Variants in PHC3 observed in about 807,000 individuals in gnomAD.
The protein encoded by PHC3 is polyhomeotic homolog 3.
PHC3 carries 13 observed loss-of-function variants against 107.4 expected under a neutral mutation model. That is an observed-to-expected ratio of 0.12 (90% CI 0.08 to 0.19). The LOEUF (loss-of-function observed/expected upper bound fraction) is 0.19. PHC3 is among the 10% of genes least tolerant of loss of function. PHC3 has a pLI of 1.00. For synonymous variants in PHC3, 456 were observed against 427.4 expected (o/e 1.07, Z -0.83); for missense variants, 992 against 1,210.9 (o/e 0.82, Z 2.68).
At chr3:170,104,493 A>T (rs182943091) in intron 12 of PHC3, among the ~76,000 whole-genome samples, 9 of 152,290 alleles carry the variant, frequency 5.9e-5, no homozygotes, top group Admixed American at 5.2e-4. Flanking sequence ...GGTGGGTCTC[A>T]AATTCCTGGG....
chr3:170,122,710 A>G lies in PHC3; in HGVS notation c.1823T>C (p.Met608Thr), dbSNP rs1450766515. Reference protein sequence around the residue: ...YQVEDVCEEEMPEESDECVRM... With the variant: ...YQVEDVCEEETPEESDECVRM... ...GACACATTCATCTGACTCTTCTGGCATTTCTTCTTCACACACATCTTCTAC... is the reference window on the plus strand; with the variant it reads ...GACACATTCATCTGACTCTTCTGGCGTTTCTTCTTCACACACATCTTCTAC... The change falls in exon 9 of 15, where the codon ATG (methionine) becomes ACG (threonine). Residue 608 changes from methionine (M) to threonine (T), a missense_variant. Physicochemically the swap from Met to Thr is moderately conservative, Grantham distance 81. Around this residue, in one of 6 missense-constraint regions of PHC3, gnomAD observed 543 missense variants for 590.8 expected, o/e 0.92. Coordinates refer to ENST00000495893, the MANE Select transcript of PHC3 (RefSeq NM_024947.4). 3 of 1,613,854 alleles carry G rather than the reference A, an allele frequency of 1.9e-6. No individual in the cohort carries two copies. The highest frequency in any genetic ancestry group is 1.7e-6 in the Non-Finnish European group (2 of 1,179,878).
intron 4 of PHC3, among the ~76,000 whole-genome samples, chr3:170,159,102 T>A (rs1445008835): frequency 6.6e-6 from 1 of 151,276 alleles, no homozygotes. Flanking sequence ...ATACAAAAAA[T>A]TAGCAGGGCG....
rs1306196003 is a variant in PHC3, at chr3:170,093,262, C to A, written c.*3968G>T. The A allele has an allele frequency of 6.6e-6, 1 of 152,152 alleles. No homozygotes were observed. Among genetic ancestry groups the A allele is most frequent in the Non-Finnish European group, 1.5e-5 (1 of 68,048 alleles). The allele number at this position is 152,152 out of a possible 1,614,324, so 9.4% of individuals were successfully genotyped here. The stretch of plus-strand genomic sequence containing the variant: ...GAAATCCTCTCTAAGGATTCTGAGA[C>A]AAAGATCTCTCCAAGAAAGAAGTTT... On this transcript the variant is annotated 3_prime_UTR_variant, in exon 15 of 15. Coordinates refer to ENST00000495893, the MANE Select transcript of PHC3 (RefSeq NM_024947.4).
intron 12 of PHC3, among the ~76,000 whole-genome samples, chr3:170,103,360 A>G (rs1309201151): frequency 6.6e-6 from 1 of 152,242 alleles, no homozygotes. Context: ...TTAATTTTTA[A>G]AAGTTTAATA....
chr3:170,158,754 T>C (rs960521320), intron 4 of PHC3, among the ~76,000 whole-genome samples: 4 of 148,080 alleles, frequency 2.7e-5, no homozygotes, highest in Non-Finnish European at 5.9e-5. Context: ...TGGCAAGACT[T>C]TGACACTACA....
At chr3:170,123,356 T>TACACACACACACACACAC (rs3980601) in intron 8 of PHC3, among the ~76,000 whole-genome samples, 18,173 of 149,754 alleles carry the variant, frequency 0.12, 1,280 homozygotes, top group African/African-American at 0.18. Context: ...TTGAAATGCA[T>TACACACACACACACACAC]ACACACACAC....
chr3:170,111,297 GGAAGGAAGGAAGGAAGGAAGGAAC>G (rs1369360823), intron 11 of PHC3, among the ~76,000 whole-genome samples: 13 of 139,132 alleles, frequency 9.3e-5, no homozygotes, highest in Middle Eastern at 3.7e-3. Context: ...AAGGAAGGAA[GGAAGGAAGGAAGGAAGGAAGGAAC>G]GAACGAACGA....
chr3:170,146,803 G>T (rs887310607), intron 5 of PHC3, among the ~76,000 whole-genome samples: 1 of 150,436 alleles, frequency 6.6e-6, no homozygotes, highest in Non-Finnish European at 1.5e-5. Flanking sequence ...AAAGTGCTGG[G>T]ATTACAGGCG....
At chr3:170,136,068 T>C (rs1283975043) in intron 7 of PHC3, among the ~76,000 whole-genome samples, 1 of 152,232 alleles carries the variant, frequency 6.6e-6, no homozygotes, top group Non-Finnish European at 1.5e-5. Flanking sequence ...AATAGTATAC[T>C]GCTTTTTTAA....
At chr3:170,156,504 G>A (rs143557183) in intron 4 of PHC3, among the ~76,000 whole-genome samples, 1,883 of 152,172 alleles carry the variant, frequency 0.012, 42 homozygotes, top group African/African-American at 0.043. Context: ...TACCCACCTC[G>A]GCCTCCCAAA....
chr3:170,164,689 T>C (rs1003499937), intron 4 of PHC3, among the ~76,000 whole-genome samples: 1 of 152,086 alleles, frequency 6.6e-6, no homozygotes. Context: ...ATTCTCTGGA[T>C]TTTCATTTTG....
At chr3:170,169,056 T>C (rs561506316) in intron 4 of PHC3, among the ~76,000 whole-genome samples, 1 of 152,230 alleles carries the variant, frequency 6.6e-6, no homozygotes, top group Non-Finnish European at 1.5e-5. Flanking sequence ...CCTTTGAATG[T>C]CATGTTGGTG....
rs758165912 is a variant in PHC3, at chr3:170,102,819, C to T, written c.2584G>A (p.Glu862Lys). Residue 862 changes from glutamate to lysine, a missense_variant, in exon 13 of 15, where the codon GAA (glutamate) becomes AAA (lysine). Glu to Lys is a moderately conservative substitution (Grantham distance 56). This residue lies in a region of PHC3 where 228 missense variants were observed against 288.8 expected (regional missense o/e 0.79). Transcript: ENST00000495893. ...ATACAGACCTGCCTAAGGATATGTT[C>T]TCTCGCTGCCCCATCAGGGCCACTT... Reference protein sequence around the residue: ...RPSGPDGAAREHILRQLPITY... With the variant: ...RPSGPDGAARKHILRQLPITY... The T allele has an allele frequency of 1.9e-6, 3 of 1,613,798 alleles. No individual in the cohort carries two copies. The African/African-American group carries it at 4.0e-5, about 22-fold the overall frequency.
intron 4 of PHC3, among the ~76,000 whole-genome samples, chr3:170,156,624 G>A (rs982504483): frequency 2.7e-5 from 4 of 150,408 alleles, no homozygotes; most frequent in Non-Finnish European, 5.9e-5. Flanking sequence ...TTGAGATGGA[G>A]TCTCACTCTG....
chr3:170,163,870 A>G (rs1327283463), intron 4 of PHC3, among the ~76,000 whole-genome samples: 1 of 71,076 alleles, frequency 1.4e-5, no homozygotes, highest in African/African-American at 5.5e-5. Context: ...CCAAAAAAAA[A>G]AAAAAAAAAA....
Position 170,097,271 on chromosome 3 carries a change from G to C in PHC3, c.2947C>G (p.Leu983Val). 1 of 1,613,386 alleles carries C rather than the reference G, an allele frequency of 6.2e-7. No individual in the cohort carries two copies. ...GAGTTGATGCGTGCACAGATCTTCA[G>C]GGCTGGGCCTAGCTTGATATTCATT... The part of the protein sequence containing the change: ...SAMNIKLGPA[L>V]KICARINSLK... The change falls in exon 15 of 15, where the codon CTG (leucine) becomes GTG (valine). Residue 983 changes from leucine (L) to valine (V), a missense_variant. By Grantham distance (32) the Leu-to-Val change is conservative (BLOSUM62 1). Coordinates refer to ENST00000495893, the MANE Select transcript of PHC3 (RefSeq NM_024947.4). This position sits in a 1 kb window ranked among gnomAD's most constrained non-coding sequence, Gnocchi z 4.1.
At chr3:170,136,143 T>C (rs1352102083) in intron 7 of PHC3, among the ~76,000 whole-genome samples, 2 of 152,184 alleles carry the variant, frequency 1.3e-5, no homozygotes. Flanking sequence ...TTTTTAAAGA[T>C]AGAAGGTTTT....
At chr3:170,158,820 G>A (rs1727343343) in intron 4 of PHC3, among the ~76,000 whole-genome samples, 1 of 151,030 alleles carries the variant, frequency 6.6e-6, no homozygotes, top group Non-Finnish European at 1.5e-5. Flanking sequence ...TCAGCTACTT[G>A]AAGGGCTGAG....
chr3:170,155,792 T>C (rs940594788), intron 4 of PHC3, among the ~76,000 whole-genome samples: 2 of 152,044 alleles, frequency 1.3e-5, no homozygotes, highest in Non-Finnish European at 1.5e-5. Flanking sequence ...ACATGATATA[T>C]GACTAGACTC....
Sources: gnomAD v4.1 joint callset for allele counts (sites outside exome capture counted in the v4.1 genomes callset) on GRCh38, gnomAD v4.1.1 for gene constraint, gnomAD v4.1.1 regional missense constraint, Gnocchi (gnomAD v3.1) non-coding constraint, MANE v1.5 for transcripts, NCBI Gene and HGNC (gene_info 2026-07-23, HGNC 2026-07-21) for gene names.